AGBL1: variants seen among roughly 807,000 people sequenced by gnomAD.
AGBL1 encodes the protein cytosolic carboxypeptidase 4.
In AGBL1, 130 loss-of-function variants were observed where a neutral mutation model predicts 118.9. The observed-to-expected ratio is 1.09, with a 90% CI of 0.95 to 1.26. The LOEUF (loss-of-function observed/expected upper bound fraction) is 1.26. AGBL1 is among the 50% of genes most tolerant of loss of function. AGBL1 has a pLI of 0.00. For missense variants in AGBL1, 1,584 were observed against 1,298.1 expected, an observed-to-expected ratio of 1.22 and a Z score of -3.38; for synonymous variants, 555 against 478.9, an observed-to-expected ratio of 1.16 and a Z score of -2.08.
chr15:86,410,408 A>C (rs1355620723), intron 18 of AGBL1, among the ~76,000 whole-genome samples: 1 of 152,078 alleles, frequency 6.6e-6, no homozygotes, highest in Admixed American at 6.6e-5. Flanking sequence ...AAATTCCAAC[A>C]AGACAGTCAG....
At chr15:86,278,753 A>G (rs1290980096) in intron 15 of AGBL1, among the ~76,000 whole-genome samples, 1 of 152,190 alleles carries the variant, frequency 6.6e-6, no homozygotes, top group East Asian at 1.9e-4. Context: ...AGCCTTGATG[A>G]TAACATTTCT....
At chr15:86,094,202 G>C (rs1896209149) in intron 1 of AGBL1, among the ~76,000 whole-genome samples, 1 of 151,960 alleles carries the variant, frequency 6.6e-6, no homozygotes, top group Non-Finnish European at 1.5e-5. Flanking sequence ...TTATAAGCTT[G>C]TGATTAATTT....
chr15:86,317,472 C>T (rs915784804), intron 17 of AGBL1, among the ~76,000 whole-genome samples: 7 of 152,162 alleles, frequency 4.6e-5, no homozygotes, highest in South Asian at 2.1e-4. Context: ...GCAACACTTG[C>T]GAGCAATGTT....
intron 22 of AGBL1, among the ~76,000 whole-genome samples, chr15:86,724,202 C>T (rs1485281489): frequency 5.9e-5 from 8 of 134,666 alleles, no homozygotes; most frequent in African/African-American, 2.2e-4. Context: ...CGCCACTGCG[C>T]TCCAGCCTGG....
intron 18 of AGBL1, among the ~76,000 whole-genome samples, chr15:86,497,146 C>T (rs947586296): frequency 1.3e-5 from 2 of 152,020 alleles, no homozygotes; most frequent in South Asian, 4.2e-4. Flanking sequence ...TTTAATAAGA[C>T]TTATTTGAAG....
At chr15:86,525,424 T>A (rs947722287) in intron 19 of AGBL1, among the ~76,000 whole-genome samples, 11 of 151,806 alleles carry the variant, frequency 7.2e-5, no homozygotes, top group African/African-American at 2.7e-4. Context: ...AACCAAAAAA[T>A]AGCTGAAACC....
intron 5 of AGBL1, among the ~76,000 whole-genome samples, chr15:86,168,049 G>T (rs532327464): frequency 3.3e-5 from 5 of 152,232 alleles, no homozygotes; most frequent in South Asian, 2.1e-4. Flanking sequence ...TGTTGTTTTG[G>T]TTTGCCTGAG....
chr15:86,955,809 G>A (rs2080924368), intron 23 of AGBL1, among the ~76,000 whole-genome samples: 6 of 151,932 alleles, frequency 3.9e-5, no homozygotes, highest in Admixed American at 3.9e-4. Flanking sequence ...GGATTCCAAG[G>A]CTTTCCCTCC....
In AGBL1 at chr15:86,256,931, C is replaced by T; in HGVS notation, c.814C>T (p.Pro272Ser). 6.2e-7 allele frequency: 1 copy of T among 1,613,960 alleles called. No homozygotes were observed. ...QILRQCYPTS[P>S]LPLVTASSAY... Reference sequence around the variant, plus strand: ...CCTGAGGCAGTGCTACCCTACGAGTCCACTTCCCTTGGTCACAGCCAGCAG... The same window carrying T: ...CCTGAGGCAGTGCTACCCTACGAGTTCACTTCCCTTGGTCACAGCCAGCAG... Residue 272 changes from proline (P) to serine (S), a missense_variant, in exon 8 of 23, where the codon CCA (proline) becomes TCA (serine). Physicochemically the swap from Pro to Ser is moderately conservative, Grantham distance 74. Transcript: ENST00000614907.
chr15:86,315,300 C>T (rs2079985207), intron 17 of AGBL1, among the ~76,000 whole-genome samples: 1 of 152,174 alleles, frequency 6.6e-6, no homozygotes, highest in Non-Finnish European at 1.5e-5. Flanking sequence ...TGGGCTTTCT[C>T]TCAGAGTAGC....
chr15:86,211,710 G>T (rs111389915), intron 5 of AGBL1, among the ~76,000 whole-genome samples: 299 of 152,258 alleles, frequency 2.0e-3, no homozygotes, highest in African/African-American at 6.6e-3. Context: ...ACAGTATTTT[G>T]GTGGGAGCGT....
At chr15:87,013,753 C>T (rs576245673) in intron 24 of AGBL1, among the ~76,000 whole-genome samples, 1 of 152,190 alleles carries the variant, frequency 6.6e-6, no homozygotes, top group Admixed American at 6.5e-5. Context: ...ATATTGTCCT[C>T]ATTTAAAGAA....
At chr15:86,306,475 G>A (rs1032781104) in intron 17 of AGBL1, among the ~76,000 whole-genome samples, 1 of 152,072 alleles carries the variant, frequency 6.6e-6, no homozygotes, top group Non-Finnish European at 1.5e-5. Context: ...TATCCATGTT[G>A]TTGCAAATGA....
At chr15:86,582,493 C>T (rs1008432042) in intron 21 of AGBL1, among the ~76,000 whole-genome samples, 1 of 152,002 alleles carries the variant, frequency 6.6e-6, no homozygotes, top group African/African-American at 2.4e-5. Flanking sequence ...AGCATTTGAC[C>T]CAGCCATCCC....
chr15:86,135,633 T>C (rs2076879165), intron 1 of AGBL1, among the ~76,000 whole-genome samples: 1 of 152,166 alleles, frequency 6.6e-6, no homozygotes, highest in Non-Finnish European at 1.5e-5. Flanking sequence ...GAATGCCTAC[T>C]GTGTGAAAGA....
chr15:86,568,592 G>T (rs913943680), intron 21 of AGBL1, among the ~76,000 whole-genome samples: 2 of 152,218 alleles, frequency 1.3e-5, no homozygotes, highest in Non-Finnish European at 2.9e-5. Context: ...TTCTGTGACT[G>T]CATGGGATGC....
chr15:86,918,562 G>A (rs1057028785), downstream of AGBL1, among the ~76,000 whole-genome samples: 2 of 151,552 alleles, frequency 1.3e-5, no homozygotes, highest in Non-Finnish European at 2.9e-5. Flanking sequence ...AAAAGGAAAT[G>A]GATCTGTAAT....
intron 17 of AGBL1, among the ~76,000 whole-genome samples, chr15:86,379,585 A>G (rs1021061538): frequency 6.6e-6 from 1 of 152,218 alleles, no homozygotes; most frequent in Non-Finnish European, 1.5e-5. Flanking sequence ...GTACTTTGCA[A>G]AATGCTTTAC....
At chr15:86,543,097 C>A (rs756463048) in intron 19 of AGBL1, among the ~76,000 whole-genome samples, 8 of 152,102 alleles carry the variant, frequency 5.3e-5, no homozygotes, top group African/African-American at 1.7e-4. Flanking sequence ...AGCTTCCTAT[C>A]TTTTCTGCTT....
Sources: gnomAD v4.1 joint callset for allele counts (sites outside exome capture counted in the v4.1 genomes callset) on GRCh38, gnomAD v4.1.1 for gene constraint, MANE v1.5 for transcripts, NCBI Gene and HGNC (gene_info 2026-07-23, HGNC 2026-07-21) for gene names.